Variants in AGBL3 observed in about 807,000 individuals in gnomAD.
AGBL3 encodes cytosolic carboxypeptidase 3.
Under a neutral mutation model 94.5 loss-of-function variants are expected in AGBL3, and 68 were observed. The ratio of observed to expected loss-of-function variants is 0.72; its 90% CI spans 0.59 to 0.88. The LOEUF is 0.88. Ranked by LOEUF, AGBL3 falls within the 40% of genes least tolerant of loss-of-function variation. The pLI, the probability that AGBL3 is intolerant of heterozygous loss-of-function variation, is 0.00. For synonymous variants in AGBL3, 354 were observed against 370.7 expected (o/e 0.95, Z 0.52); for missense variants, 934 against 1,103.8 (o/e 0.85, Z 2.18).
intron 15 of AGBL3, among the ~76,000 whole-genome samples, chr7:135,099,059 C>A (rs966881422): frequency 6.6e-6 from 1 of 152,088 alleles, no homozygotes; most frequent in Non-Finnish European, 1.5e-5. Flanking sequence ...CTGTATGTAA[C>A]AGCAAAGTAA....
chr7:135,003,590 T>A (rs1323151639), intron 4 of AGBL3, among the ~76,000 whole-genome samples: 1 of 151,854 alleles, frequency 6.6e-6, no homozygotes, highest in African/African-American at 2.4e-5. Context: ...TGCACCTTCC[T>A]GTCCAATAAT....
intron 15 of AGBL3, 104 bp downstream of exon 15, chr7:135,081,894 A>G: frequency 1.5e-6 from 1 of 685,760 alleles, no homozygotes; most frequent in South Asian, 4.0e-5. Context: ...GTAGAAATTT[A>G]CTGTATGTCA....
chr7:135,074,464 A>G (rs866802824), intron 12 of AGBL3, among the ~76,000 whole-genome samples: 2 of 152,184 alleles, frequency 1.3e-5, no homozygotes, highest in Non-Finnish European at 2.9e-5. Flanking sequence ...GGACATGAAC[A>G]ACAAATTTGG....
chr7:135,052,907 C>G (rs770595480), intron 11 of AGBL3, among the ~76,000 whole-genome samples: 3 of 152,070 alleles, frequency 2.0e-5, no homozygotes, highest in Non-Finnish European at 2.9e-5. Context: ...CTACAGGAGT[C>G]TGGAGTCTGT....
intron 11 of AGBL3, 88 bp from the exon 12 acceptor site, chr7:135,059,081 A>T: frequency 9.5e-7 from 1 of 1,047,996 alleles, no homozygotes; most frequent in Non-Finnish European, 1.4e-6. Flanking sequence ...GAACTTTTCA[A>T]CCATTCAAAT....
chr7:135,034,243 G>A lies in AGBL3; in HGVS notation c.652G>A (p.Gly218Arg), dbSNP rs925123097. The stretch of plus-strand genomic sequence containing the variant: ...TTTCCAAGTCACTAATATGCGAGCA[G>A]GAATAGTCTACAGATTCACTATTGT... Reference protein sequence around the residue: ...YYFQVTNMRAGIVYRFTIVNF... With the variant: ...YYFQVTNMRARIVYRFTIVNF... Residue 218 changes from glycine to arginine, a missense_variant, in exon 7 of 17, where the codon GGA becomes AGA. Gly to Arg is a moderately radical substitution (Grantham distance 125, BLOSUM62 -2). Transcript: ENST00000436302. The A allele has an allele frequency of 6.4e-7, 1 of 1,551,662 alleles. No individual in the cohort carries two copies. The highest frequency in any genetic ancestry group is 8.7e-7 in the Non-Finnish European group (1 of 1,146,984).
At chr7:135,101,885 G>C (rs4449731) in intron 15 of AGBL3, among the ~76,000 whole-genome samples, 73,689 of 151,888 alleles carry the variant, frequency 0.49, 18,248 homozygotes, top group South Asian at 0.66. Flanking sequence ...TTGAATCATG[G>C]AGGCGGCGTC....
At chr7:135,023,135 C>T (rs1814696332) in intron 5 of AGBL3, among the ~76,000 whole-genome samples, 1 of 152,100 alleles carries the variant, frequency 6.6e-6, no homozygotes, top group Non-Finnish European at 1.5e-5. Flanking sequence ...GCTTCCCTTT[C>T]TTTGTGTTAT....
intron 12 of AGBL3, among the ~76,000 whole-genome samples, chr7:135,075,563 C>T (rs1477431164): frequency 6.6e-6 from 1 of 152,108 alleles, no homozygotes; most frequent in African/African-American, 2.4e-5. Context: ...TGAAATAAGT[C>T]TTCATTTCCC....
At chr7:135,121,098 G>A (rs933760560) in intron 16 of AGBL3, among the ~76,000 whole-genome samples, 2 of 152,236 alleles carry the variant, frequency 1.3e-5, no homozygotes, top group Non-Finnish European at 2.9e-5. Flanking sequence ...CCAGCTACTC[G>A]GGAGGCTGAG....
intron 5 of AGBL3, among the ~76,000 whole-genome samples, chr7:135,028,752 C>T (rs1302338309): frequency 6.6e-6 from 1 of 152,200 alleles, no homozygotes; most frequent in East Asian, 1.9e-4. Flanking sequence ...TTTCAATTTA[C>T]TTTGCCCAGA....
At chr7:135,052,747 T>C (rs1299731441) in intron 11 of AGBL3, among the ~76,000 whole-genome samples, 1 of 152,210 alleles carries the variant, frequency 6.6e-6, no homozygotes, top group East Asian at 1.9e-4. Context: ...AATAAGATAA[T>C]GTGTAAGTAA....
At chr7:134,998,518 G>T (rs1259470822) in intron 4 of AGBL3, among the ~76,000 whole-genome samples, 1 of 152,020 alleles carries the variant, frequency 6.6e-6, no homozygotes, top group Admixed American at 6.6e-5. Flanking sequence ...TTCACCTTTG[G>T]AAGAGTTGTT....
chr7:135,114,998 C>T (rs1302997059), intron 15 of AGBL3, among the ~76,000 whole-genome samples: 1 of 152,122 alleles, frequency 6.6e-6, no homozygotes, highest in East Asian at 1.9e-4. Context: ...TCTTGGTGTT[C>T]TTGAACACAC....
chr7:135,028,130 G>C (rs919788297), intron 5 of AGBL3, among the ~76,000 whole-genome samples: 3 of 151,602 alleles, frequency 2.0e-5, no homozygotes, highest in Non-Finnish European at 2.9e-5. Context: ...CTTTTTGCTT[G>C]GTGGAGGATT....
chr7:135,058,487 G>A (rs1818530547), intron 11 of AGBL3, among the ~76,000 whole-genome samples: 1 of 151,926 alleles, frequency 6.6e-6, no homozygotes, highest in Non-Finnish European at 1.5e-5. Context: ...TGAATTTTAA[G>A]AGCTAATGAT....
intron 8 of AGBL3, among the ~76,000 whole-genome samples, chr7:135,038,535 A>G (rs1383169296): frequency 2.0e-5 from 3 of 152,242 alleles, no homozygotes; most frequent in African/African-American, 7.2e-5. Context: ...GTTGTGCCTT[A>G]GATGAAATGG....
chr7:135,030,866 C>T, intron 5 of AGBL3, among the ~76,000 whole-genome samples: 2 of 152,062 alleles, frequency 1.3e-5, no homozygotes, highest in South Asian at 4.2e-4. Flanking sequence ...TATAAATTGG[C>T]AAATTATAGT....
Position 135,100,195 on chromosome 7 carries a change from A to ATTT in AGBL3, c.2111-15185_2111-15184insTTT, listed in dbSNP as rs1563264663. 19 of 139,844 alleles carry ATTT rather than the reference A, an allele frequency of 1.4e-4. No homozygotes were observed. The East Asian group carries it at 3.3e-3, about 25-fold the overall frequency. 8.7% of individuals were successfully genotyped at this position (139,844 alleles called of 1,614,324 possible). A position where few individuals can be genotyped will look rare whatever the true frequency, so the allele number is the denominator to read the frequency against. On this transcript the variant is annotated intron_variant, in intron 15 of 16. Coordinates refer to ENST00000436302, the MANE Select transcript of AGBL3 (RefSeq NM_178563.4). ...GCCACTGCACCCGAGTTTCTCTTTAAAAAAAAAAAAAACACTGGTGGCATA... is the reference window on the plus strand; with the variant it reads ...GCCACTGCACCCGAGTTTCTCTTTAATTTAAAAAAAAAAAACACTGGTGGCATA...
Sources: allele counts gnomAD v4.1 joint callset (sites outside exome capture counted in the v4.1 genomes callset), GRCh38; gene constraint gnomAD v4.1.1; transcripts MANE v1.5; gene names NCBI Gene and HGNC (gene_info 2026-07-23, HGNC 2026-07-21).